Variants in MDGA2 observed in about 807,000 individuals in gnomAD.
MDGA2 encodes the protein MAM domain containing glycosylphosphatidylinositol anchor 2.
In MDGA2, 40 loss-of-function variants were observed where a neutral mutation model predicts 117.8. That is an observed-to-expected ratio of 0.34 (90% CI 0.26 to 0.44). MDGA2 has a LOEUF of 0.44. MDGA2 is among the 20% of genes least tolerant of loss of function. The pLI, the probability that MDGA2 is intolerant of heterozygous loss-of-function variation, is 1.00. For synonymous variants in MDGA2, 452 were observed against 439.0 expected (o/e 1.03, Z -0.37); for missense variants, 1,123 against 1,250.6 (o/e 0.90, Z 1.54).
chr14:46,968,286 G>C (rs2138315989), intron 8 of MDGA2, among the ~76,000 whole-genome samples: 1 of 152,192 alleles, frequency 6.6e-6, no homozygotes, highest in East Asian at 1.9e-4. Context: ...ACTGACAGTG[G>C]TTCCACCCTC....
intron 3 of MDGA2, among the ~76,000 whole-genome samples, chr14:47,152,674 A>G (rs182974660): frequency 1.3e-5 from 2 of 152,188 alleles, no homozygotes; most frequent in Admixed American, 6.5e-5. Context: ...TCATGAGTCA[A>G]AAAAAGGCAA....
intron 3 of MDGA2, among the ~76,000 whole-genome samples, chr14:47,182,596 T>A (rs1336356610): frequency 6.6e-6 from 1 of 152,162 alleles, no homozygotes; most frequent in Non-Finnish European, 1.5e-5. Context: ...TCTCTAGAAC[T>A]GGGAGATGAC....
At chr14:47,380,923 A>G (rs994323395) in intron 1 of MDGA2, among the ~76,000 whole-genome samples, 7 of 152,106 alleles carry the variant, frequency 4.6e-5, no homozygotes, top group Non-Finnish European at 1.0e-4. Context: ...AGAATTTTAG[A>G]CCAATATCCC....
intron 1 of MDGA2, among the ~76,000 whole-genome samples, chr14:47,526,375 A>T (rs1461399614): frequency 2.0e-5 from 3 of 152,238 alleles, no homozygotes; most frequent in Admixed American, 2.0e-4. Context: ...TAAGGTACTG[A>T]TATCTTCAGT....
chr14:47,569,734 T>A (rs1379694607), intron 1 of MDGA2, among the ~76,000 whole-genome samples: 1 of 152,246 alleles, frequency 6.6e-6, no homozygotes, highest in Non-Finnish European at 1.5e-5. Context: ...TCATTCAGTT[T>A]ACTAAAAGAA....
chr14:46,869,963 C>T (rs964937954), intron 14 of MDGA2, among the ~76,000 whole-genome samples: 1 of 151,834 alleles, frequency 6.6e-6, no homozygotes, highest in Non-Finnish European at 1.5e-5. Context: ...AGTGTATCCT[C>T]CCCAAACTGA....
rs569255332 is a variant in MDGA2, at chr14:47,042,063, ATTCAAT to A, written c.1526-6765_1526-6760del. ...GAATCTTAAAATAAGCATGGCACTA[ATTCAAT>A]TACACCTGAATTTTGGAGGGAAGTA... On this transcript the variant is annotated intron_variant, in intron 7 of 16. Coordinates refer to ENST00000399232, the MANE Select transcript of MDGA2 (RefSeq NM_001113498.3). Among the ~76,000 whole-genome samples, 14 of 152,212 alleles carry A rather than the reference ATTCAAT, an allele frequency of 9.2e-5. No individual in the cohort carries two copies. In the East Asian group the frequency reaches 2.7e-3, roughly 29 times the overall value.
chr14:47,001,938 A>T (rs1887544620), intron 8 of MDGA2, among the ~76,000 whole-genome samples: 1 of 152,048 alleles, frequency 6.6e-6, no homozygotes, highest in South Asian at 2.1e-4. Flanking sequence ...CTCCAGCCAA[A>T]ATGTTGCTAA....
chr14:47,370,666 T>G (rs1891336320), intron 1 of MDGA2, among the ~76,000 whole-genome samples: 3 of 151,334 alleles, frequency 2.0e-5, no homozygotes. Flanking sequence ...TTCATTAAAC[T>G]TCCTTCTAGC....
chr14:47,278,742 C>CAATATATATATTCAA (rs1888383359), intron 2 of MDGA2, among the ~76,000 whole-genome samples: 2 of 152,168 alleles, frequency 1.3e-5, no homozygotes, highest in South Asian at 2.1e-4. Context: ...TCAAAAGAAA[C>CAATATATATATTCAA]AAGAAATGTA....
chr14:46,863,977 CATATGT>C (rs1430134626), intron 14 of MDGA2, among the ~76,000 whole-genome samples: 22 of 152,102 alleles, frequency 1.4e-4, no homozygotes, highest in Non-Finnish European at 2.1e-4. Flanking sequence ...AAAGCAGTTA[CATATGT>C]ATACATGTGC....
intron 1 of MDGA2, among the ~76,000 whole-genome samples, chr14:47,566,896 A>C (rs1594921506): frequency 8.6e-6 from 1 of 116,792 alleles, no homozygotes. Flanking sequence ...GCATCTAGTC[A>C]TCCATCTTCC....
At chr14:47,520,485 T>C (rs1428392383) in intron 1 of MDGA2, among the ~76,000 whole-genome samples, 1 of 152,188 alleles carries the variant, frequency 6.6e-6, no homozygotes, top group African/African-American at 2.4e-5. Context: ...CCATGTGAAC[T>C]TCCTAACGTA....
intron 1 of MDGA2, among the ~76,000 whole-genome samples, chr14:47,357,879 A>G (rs17674223): frequency 0.11 from 16,243 of 152,210 alleles, 1,164 homozygotes; most frequent in Non-Finnish European, 0.17. Flanking sequence ...AGGGGGACTC[A>G]ATGCCCCTGG....
At chr14:47,164,652 A>G (rs1261293187) in intron 3 of MDGA2, among the ~76,000 whole-genome samples, 5 of 152,198 alleles carry the variant, frequency 3.3e-5, no homozygotes, top group South Asian at 2.1e-4. Context: ...CACTGTTGGT[A>G]GGACTGTAAA....
intron 1 of MDGA2, among the ~76,000 whole-genome samples, chr14:47,540,330 G>C (rs889094158): frequency 6.6e-6 from 1 of 151,860 alleles, no homozygotes; most frequent in African/African-American, 2.4e-5. Context: ...TTATTTTAAA[G>C]TGACTCAAGT....
chr14:46,952,623 T>C (rs528435418), intron 9 of MDGA2, among the ~76,000 whole-genome samples: 1 of 152,052 alleles, frequency 6.6e-6, no homozygotes, highest in East Asian at 1.9e-4. Flanking sequence ...CACCTTTCTA[T>C]TTGGCTGAAG....
intron 7 of MDGA2, among the ~76,000 whole-genome samples, chr14:47,054,252 G>A (rs1012396165): frequency 1.3e-5 from 2 of 151,918 alleles, no homozygotes; most frequent in Non-Finnish European, 2.9e-5. Flanking sequence ...GTGGTGGAGA[G>A]ATAAGAAATC....
chr14:46,863,986 A>G (rs1881616570), intron 14 of MDGA2, among the ~76,000 whole-genome samples: 1 of 152,100 alleles, frequency 6.6e-6, no homozygotes, highest in African/African-American at 2.4e-5. Flanking sequence ...ACATATGTAT[A>G]CATGTGCCAT....
Sources: allele counts gnomAD v4.1 joint callset (sites outside exome capture counted in the v4.1 genomes callset), GRCh38; gene constraint gnomAD v4.1.1; transcripts MANE v1.5; gene names NCBI Gene and HGNC (gene_info 2026-07-23, HGNC 2026-07-21).